The following NR3C2 variants were observed in gnomAD, a reference collection of about 807,000 sequenced individuals.
NR3C2 encodes the protein nuclear receptor subfamily 3 group C member 2.
In NR3C2, 15 loss-of-function variants were observed where a neutral mutation model predicts 86.4. The ratio of observed to expected loss-of-function variants is 0.17; its 90% CI spans 0.12 to 0.27. The LOEUF is 0.27. NR3C2 is among the 10% of genes least tolerant of loss of function. The pLI is 1.00. For synonymous variants in NR3C2, 458 were observed against 450.5 expected (o/e 1.02, Z -0.21); for missense variants, 960 against 1,195.6 (o/e 0.80, Z 2.91).
chr4:148,189,121 G>A (rs544328889), intron 4 of NR3C2, among the ~76,000 whole-genome samples: 1 of 151,972 alleles, frequency 6.6e-6, no homozygotes, highest in Non-Finnish European at 1.5e-5. Flanking sequence ...TAGAGACGGG[G>A]TTTTGCCATG....
chr4:148,432,725 T>A (rs1036206964), intron 2 of NR3C2, among the ~76,000 whole-genome samples: 1 of 152,180 alleles, frequency 6.6e-6, no homozygotes, highest in African/African-American at 2.4e-5. Flanking sequence ...AAGGTTGGGT[T>A]TTTTGTTCAA....
intron 6 of NR3C2, among the ~76,000 whole-genome samples, chr4:148,130,168 C>T (rs1732951885): frequency 6.6e-6 from 1 of 152,258 alleles, no homozygotes; most frequent in African/African-American, 2.4e-5. Flanking sequence ...GAAACAGTTC[C>T]TCAAAGACCT....
intron 8 of NR3C2, among the ~76,000 whole-genome samples, chr4:148,096,533 A>G (rs965152120): frequency 6.6e-6 from 1 of 152,184 alleles, no homozygotes. Flanking sequence ...AACAGGTGAG[A>G]TCAAGGTGTC....
At chr4:148,359,527 A>G (rs1483411698) in intron 2 of NR3C2, among the ~76,000 whole-genome samples, 1 of 152,164 alleles carries the variant, frequency 6.6e-6, no homozygotes, top group Non-Finnish European at 1.5e-5. Flanking sequence ...AAACAAATGA[A>G]TATCAATAAA....
At chr4:148,233,119 A>G (rs781558203) in intron 3 of NR3C2, among the ~76,000 whole-genome samples, 3 of 152,180 alleles carry the variant, frequency 2.0e-5, no homozygotes, top group Non-Finnish European at 4.4e-5. Context: ...AACCAGCCAC[A>G]TGGTTTTCTT....
chr4:148,398,163 C>T (rs1244795612), intron 2 of NR3C2, among the ~76,000 whole-genome samples: 2 of 152,104 alleles, frequency 1.3e-5, no homozygotes, highest in South Asian at 2.1e-4. Context: ...ATCCTGAGAC[C>T]CTTAATTTAA....
chr4:148,110,454 C>T (rs941608342), intron 8 of NR3C2, among the ~76,000 whole-genome samples: 11 of 152,182 alleles, frequency 7.2e-5, no homozygotes, highest in African/African-American at 2.7e-4. Context: ...CAGAACTAGG[C>T]TCTGAGTATA....
At chr4:148,351,977 T>C (rs1745303343) in intron 2 of NR3C2, among the ~76,000 whole-genome samples, 1 of 152,110 alleles carries the variant, frequency 6.6e-6, no homozygotes, top group Non-Finnish European at 1.5e-5. Context: ...AGTAGGTAGA[T>C]TAATGTGTGG....
chr4:148,119,649 G>A (rs1488311326), intron 7 of NR3C2, among the ~76,000 whole-genome samples: 3 of 152,098 alleles, frequency 2.0e-5, no homozygotes, highest in African/African-American at 7.2e-5. Context: ...AGCTGGGTAT[G>A]GTGGTGCATG....
intron 8 of NR3C2, among the ~76,000 whole-genome samples, chr4:148,096,961 T>G (rs1035850461): frequency 1.1e-4 from 16 of 152,174 alleles, no homozygotes; most frequent in Non-Finnish European, 2.1e-4. Flanking sequence ...GTTTTGTTTG[T>G]TAAAATATAT....
chr4:148,113,238 A>G (rs1052345041), intron 8 of NR3C2, among the ~76,000 whole-genome samples: 3 of 152,226 alleles, frequency 2.0e-5, no homozygotes, highest in Non-Finnish European at 2.9e-5. Flanking sequence ...ATGAAGAATA[A>G]TGAATATAAG....
At chr4:148,136,092 C>CAACAA (rs1560940101) in intron 6 of NR3C2, among the ~76,000 whole-genome samples, 1 of 137,660 alleles carries the variant, frequency 7.3e-6, no homozygotes, top group African/African-American at 2.9e-5. Context: ...AAAAAAAACA[C>CAACAA]CACCAAAACC....
rs144743688 is a variant in NR3C2 at position 148,110,477 on chromosome 4, T to C, written c.2799+3627A>G. On this transcript the variant is annotated intron_variant, in intron 8 of 8. Transcript: ENST00000358102. ...GGCTCTGAGTATAGAGCCAGCGCAT[T>C]GTGTAGTTCTTTGTTCCCTTGAAGA... Among the ~76,000 whole-genome samples, 363 of 152,314 alleles carry C rather than the reference T, an allele frequency of 2.4e-3. 1 individual carries two copies. Among genetic ancestry groups the C allele is most frequent in the African/African-American group, 8.1e-3 (337 of 41,560 alleles).
chr4:148,309,968 C>T (rs530226800), intron 2 of NR3C2, among the ~76,000 whole-genome samples: 1 of 151,762 alleles, frequency 6.6e-6, no homozygotes, highest in South Asian at 2.1e-4. Context: ...AAAATGAAGG[C>T]TCTCCAAGGG....
At chr4:148,106,266 G>A (rs1420906751) in intron 8 of NR3C2, among the ~76,000 whole-genome samples, 1 of 152,136 alleles carries the variant, frequency 6.6e-6, no homozygotes, top group African/African-American at 2.4e-5. Flanking sequence ...ATTTACAACT[G>A]CTACAAAGAG....
chr4:148,190,861 G>A (rs1444929567), intron 4 of NR3C2, among the ~76,000 whole-genome samples: 3 of 152,166 alleles, frequency 2.0e-5, no homozygotes, highest in Non-Finnish European at 2.9e-5. Context: ...GTTTATATGA[G>A]TCCTTGTGTG....
chr4:148,412,068 A>C (rs72953941), intron 2 of NR3C2, among the ~76,000 whole-genome samples: 200 of 152,296 alleles, frequency 1.3e-3, no homozygotes, highest in African/African-American at 4.6e-3. Flanking sequence ...TCACCCTCTC[A>C]AAAGTGTAAG....
At chr4:148,135,742 A>C (rs1249257109) in intron 6 of NR3C2, among the ~76,000 whole-genome samples, 1 of 151,792 alleles carries the variant, frequency 6.6e-6, no homozygotes, top group Non-Finnish European at 1.5e-5. Flanking sequence ...AGAGCACAGA[A>C]GTTCATACTG....
At chr4:148,191,166 G>A (rs1345470228) in intron 4 of NR3C2, among the ~76,000 whole-genome samples, 1 of 152,018 alleles carries the variant, frequency 6.6e-6, no homozygotes, top group Non-Finnish European at 1.5e-5. Context: ...AGTTCTTTTA[G>A]TGATAGCTTG....
Sources: gnomAD v4.1 joint callset for allele counts (sites outside exome capture counted in the v4.1 genomes callset) on GRCh38, gnomAD v4.1.1 for gene constraint, MANE v1.5 for transcripts, NCBI Gene and HGNC (gene_info 2026-07-23, HGNC 2026-07-21) for gene names.